Variants in TMEM178A observed in about 807,000 individuals in gnomAD.
TMEM178A encodes transmembrane protein 178A.
In TMEM178A, 12 loss-of-function variants were observed where a neutral mutation model predicts 29.1. That is an observed-to-expected ratio of 0.41 (90% confidence interval 0.26 to 0.67). The LOEUF (loss-of-function observed/expected upper bound fraction) is 0.67. TMEM178A is among the 30% of genes least tolerant of loss of function. The pLI is 0.29. For missense variants in TMEM178A, 366 were observed against 419.1 expected (o/e 0.87, Z 1.11); for synonymous variants, 210 against 187.2 (o/e 1.12, Z -0.99).
At chr2:39,726,240 A>T in the TMEM178A span, among the ~76,000 whole-genome samples, 3 of 152,114 alleles carry the variant, frequency 2.0e-5, no homozygotes, top group Admixed American at 2.0e-4. Context: ...GCTAAAGGTG[A>T]GGGGATGGCC....
At chr2:39,687,899 C>T (rs145364987) in intron 1 of TMEM178A, among the ~76,000 whole-genome samples, 67 of 152,350 alleles carry the variant, frequency 4.4e-4, no homozygotes, top group African/African-American at 1.4e-3. Context: ...ATTTTGGAGG[C>T]AGATGCAAAT....
intron 1 of TMEM178A, among the ~76,000 whole-genome samples, chr2:39,683,033 T>G (rs1248599421): frequency 1.3e-5 from 2 of 152,236 alleles, no homozygotes; most frequent in Non-Finnish European, 2.9e-5. Context: ...GACCCATGGA[T>G]GCAGAACTTC....
chr2:39,699,838 T>A (rs556347137), intron 1 of TMEM178A, among the ~76,000 whole-genome samples: 43 of 152,328 alleles, frequency 2.8e-4, no homozygotes, highest in Non-Finnish European at 4.7e-4. Flanking sequence ...AATTTTGGTA[T>A]GTTGTAATTT....
At chr2:39,694,107 C>T (rs1671440680) in intron 1 of TMEM178A, among the ~76,000 whole-genome samples, 1 of 150,602 alleles carries the variant, frequency 6.6e-6, no homozygotes, top group Non-Finnish European at 1.5e-5. Flanking sequence ...TGAGTCTTGC[C>T]TTTAAGTCTT....
At chr2:39,715,003 C>G (rs1436807051) in intron 3 of TMEM178A, among the ~76,000 whole-genome samples, 1 of 152,136 alleles carries the variant, frequency 6.6e-6, no homozygotes, top group Non-Finnish European at 1.5e-5. Context: ...GTTTCCCACT[C>G]TTTTTTTCCC....
chr2:39,701,108 C>T (rs959186430), intron 1 of TMEM178A, among the ~76,000 whole-genome samples: 1 of 152,084 alleles, frequency 6.6e-6, no homozygotes, highest in South Asian at 2.1e-4. Context: ...TACATTTATA[C>T]TGTCTTTTAC....
intron 1 of TMEM178A, among the ~76,000 whole-genome samples, chr2:39,680,450 T>G (rs547085267): frequency 2.0e-5 from 3 of 152,340 alleles, no homozygotes; most frequent in African/African-American, 7.2e-5. Context: ...TCCTGAGGGA[T>G]TCAAAGGAGA....
intron 3 of TMEM178A, among the ~76,000 whole-genome samples, chr2:39,707,653 G>A (rs1279464606): frequency 3.3e-5 from 5 of 151,950 alleles, no homozygotes; most frequent in Non-Finnish European, 7.4e-5. Flanking sequence ...TGTATTTTTA[G>A]TAGGGTTTCA....
chr2:39,731,140 A>T, the TMEM178A span, among the ~76,000 whole-genome samples: 1 of 152,222 alleles, frequency 6.6e-6, no homozygotes, highest in Non-Finnish European at 1.5e-5. Context: ...TGAATAAGGC[A>T]ATTTGTTAAG....
chr2:39,666,156 C>T lies in TMEM178A; in HGVS notation c.182C>T (p.Pro61Leu). The T allele has an allele frequency of 6.7e-7, 1 of 1,502,136 alleles. No individual in the cohort carries two copies. Among genetic ancestry groups the T allele is most frequent in the Non-Finnish European group, 8.8e-7 (1 of 1,131,766 alleles). The allele number at this position is 1,502,136 out of a possible 1,614,324, so 93.1% of individuals were successfully genotyped here. The change falls in exon 1 of 4, where the codon CCG becomes CTG. Residue 61 changes from proline (P) to leucine (L), a missense_variant. Coordinates refer to ENST00000281961, the MANE Select transcript of TMEM178A (RefSeq NM_152390.3). Reference sequence around the variant, plus strand: ...CCGGACCAGAAGAACCGCCTGATGCCGCTGTCGCACCTGCCGCTGCGGGAC... The same window carrying T: ...CCGGACCAGAAGAACCGCCTGATGCTGCTGTCGCACCTGCCGCTGCGGGAC... ...DPPDQKNRLMPLSHLPLRDSP... is the reference protein window; with the variant it reads ...DPPDQKNRLMLLSHLPLRDSP...
Position 39,666,185 on chromosome 2 carries a change from C to G in TMEM178A, c.211C>G (p.Pro71Ala), listed in dbSNP as rs1171984529. ...GTCGCACCTGCCGCTGCGGGACTCGCCCCCGCTGGGGCGCCGGCTGCTCCC... is the reference window on the plus strand; with the variant it reads ...GTCGCACCTGCCGCTGCGGGACTCGGCCCCGCTGGGGCGCCGGCTGCTCCC... ...PLSHLPLRDS[P>A]PLGRRLLPGG... is the part of the protein sequence containing the mutation. The change falls in exon 1 of 4, where the codon CCC becomes GCC. Residue 71 changes from proline (P) to alanine (A), a missense_variant. Around this residue, in one of 2 missense-constraint regions of TMEM178A, gnomAD observed 247 missense variants for 246.8 expected, o/e 1.00. Transcript: ENST00000281961. 5.5e-6 allele frequency: 8 copies of G among 1,459,422 alleles called. No individual in the cohort carries two copies. The East Asian group carries it at 9.2e-5, about 17-fold the overall frequency. 90.4% of individuals were successfully genotyped at this position (1,459,422 alleles called of 1,614,324 possible).
At chr2:39,666,975 A>T (rs1419716653) in intron 1 of TMEM178A, among the ~76,000 whole-genome samples, 1 of 152,206 alleles carries the variant, frequency 6.6e-6, no homozygotes, top group African/African-American at 2.4e-5. Flanking sequence ...ACCTTCCTTC[A>T]TACCCCTGAA....
intron 1 of TMEM178A, among the ~76,000 whole-genome samples, chr2:39,671,824 G>A (rs1200573959): frequency 6.6e-6 from 1 of 152,202 alleles, no homozygotes; most frequent in African/African-American, 2.4e-5. Context: ...ACTGCTCAGA[G>A]CCAAGTCTCT....
the TMEM178A span, among the ~76,000 whole-genome samples, chr2:39,731,689 AG>A: frequency 4.6e-5 from 7 of 152,222 alleles, no homozygotes; most frequent in Non-Finnish European, 1.0e-4. Context: ...GTGAGCTTCC[AG>A]GAGGACAAAC....
intron 1 of TMEM178A, among the ~76,000 whole-genome samples, chr2:39,675,015 C>T (rs1221225201): frequency 6.6e-6 from 1 of 152,164 alleles, no homozygotes; most frequent in Admixed American, 6.5e-5. Flanking sequence ...GTCAATTATC[C>T]ACAAAACCTG....
chr2:39,700,578 A>T (rs1481802782), intron 1 of TMEM178A, among the ~76,000 whole-genome samples: 2 of 152,098 alleles, frequency 1.3e-5, no homozygotes, highest in East Asian at 1.9e-4. Context: ...ACTGTGTCTC[A>T]TGTAGACATC....
At chr2:39,696,566 T>C (rs891691151) in intron 1 of TMEM178A, among the ~76,000 whole-genome samples, 1 of 152,196 alleles carries the variant, frequency 6.6e-6, no homozygotes, top group Non-Finnish European at 1.5e-5. Flanking sequence ...TGAGCTTCAG[T>C]AATTTGCCAC....
chr2:39,707,844 C>T, intron 3 of TMEM178A, among the ~76,000 whole-genome samples: 1 of 152,188 alleles, frequency 6.6e-6, no homozygotes, highest in East Asian at 1.9e-4. Context: ...TATGAGGTGC[C>T]CTCAAAGACA....
intron 1 of TMEM178A, among the ~76,000 whole-genome samples, chr2:39,689,558 G>A (rs1427678355): frequency 6.6e-6 from 1 of 152,212 alleles, no homozygotes; most frequent in East Asian, 1.9e-4. Context: ...ATGGTTGCTA[G>A]GAGCTGGAGA....
Sources: gnomAD v4.1 joint callset for allele counts (sites outside exome capture counted in the v4.1 genomes callset) on GRCh38, gnomAD v4.1.1 for gene constraint, gnomAD v4.1.1 regional missense constraint, MANE v1.5 for transcripts, NCBI Gene and HGNC (gene_info 2026-07-23, HGNC 2026-07-21) for gene names.